Variants in IKBKG observed in about 807,000 individuals in gnomAD.
IKBKG encodes inhibitor of nuclear factor kappa B kinase regulatory subunit gamma.
In IKBKG, 2 loss-of-function variants were observed where a neutral mutation model predicts 13.7. The ratio of observed to expected loss-of-function variants is 0.15; its 90% confidence interval spans 0.06 to 0.46. IKBKG has a LOEUF of 0.46. IKBKG is among the 20% of genes least tolerant of loss of function. The pLI, the probability that IKBKG is intolerant of heterozygous loss-of-function variation, is 0.98. For synonymous variants in IKBKG, 22 were observed against 64.4 expected (o/e 0.34, Z 3.15); for missense variants, 53 against 150.3 (o/e 0.35, Z 3.39).
chrX:154,542,354 G>A (rs1420498266), exon 2 of IKBKG: 1 of 1,203,846 alleles, frequency 8.3e-7, no homozygotes, highest in Non-Finnish European at 1.1e-6. Flanking sequence ...CTCACTCCCT[G>A]TGAAGCTCTC....
chrX:154,558,818 G>A (rs2071083253), intron 4 of IKBKG, among the ~76,000 whole-genome samples, 168 bp downstream of exon 4: 2 of 62,995 alleles, frequency 3.2e-5, no homozygotes, highest in African/African-American at 1.2e-4. Context: ...CCGGGACCTG[G>A]GTCCCAGCCG....
intron 1 of IKBKG, among the ~76,000 whole-genome samples, chrX:154,549,228 G>A (rs1385510273): frequency 9.2e-6 from 1 of 109,099 alleles, no homozygotes; most frequent in Non-Finnish European, 1.9e-5. Context: ...TCATCCGCCC[G>A]CCTCGGCCTC....
In IKBKG at chrX:154,552,163, G is replaced by T. The variant is rs782813189; in HGVS notation, c.161G>T (p.Cys54Phe). The T allele has an allele frequency of 1.7e-6, 2 of 1,191,901 alleles. No individual in the cohort carries two copies. The highest frequency in any genetic ancestry group is 2.2e-5 in the Admixed American group (1 of 44,477). ...GGCGCTCCTGAGACCCTCCAGCGCT[G>T]CCTGGAGGAGAATCAAGAGCTCCGA... ...EQGAPETLQR[C>F]LEENQELRDA... Residue 54 changes from cysteine (C) to phenylalanine (F), a missense_variant, in exon 2 of 10, where the codon TGC becomes TTC. Cys to Phe is a radical substitution (Grantham distance 205). Around this residue, in one of 3 missense-constraint regions of IKBKG, gnomAD observed 47 missense variants for 50.0 expected, o/e 0.94. Coordinates refer to ENST00000594239, the MANE Select transcript of IKBKG (RefSeq NM_001099857.5).
At chrX:154,545,980 G>C (rs1224001604), upstream of IKBKG, 18 of 1,197,167 alleles carry the variant, frequency 1.5e-5, no homozygotes, top group African/African-American at 3.2e-4. Flanking sequence ...TGGAAAAGCT[G>C]AGGCATGGAG....
exon 2 of IKBKG, chrX:154,542,313 C>G: frequency 1.7e-6 from 2 of 1,181,181 alleles, no homozygotes; most frequent in Non-Finnish European, 2.3e-6. Flanking sequence ...GAAGTGAGGA[C>G]CCCGCAGACT....
chrX:154,544,432 T>C (rs1174302737), upstream of IKBKG, among the ~76,000 whole-genome samples: 1 of 111,985 alleles, frequency 8.9e-6, no homozygotes, highest in African/African-American at 3.3e-5. Context: ...AGTGCTGGGA[T>C]TACAGATGTG....
At chrX:154,549,300 C>T (rs1043043508) in intron 1 of IKBKG, among the ~76,000 whole-genome samples, 2 of 109,764 alleles carry the variant, frequency 1.8e-5, no homozygotes, top group Non-Finnish European at 3.8e-5. Context: ...GAGACCCAGT[C>T]TCACTCTGTC....
upstream of IKBKG, among the ~76,000 whole-genome samples, chrX:154,544,156 C>T (rs781791065): frequency 2.8e-5 from 3 of 107,963 alleles, no homozygotes; most frequent in African/African-American, 1.0e-4. Flanking sequence ...CCACTGCGCC[C>T]GGCCTTTTTG....
At chrX:154,546,086 C>T, upstream of IKBKG, 1 of 1,211,672 alleles carries the variant, frequency 8.3e-7, no homozygotes, top group Non-Finnish European at 1.1e-6. Context: ...TGGAAGGCAT[C>T]GCCCTGGAAA....
At chrX:154,548,107 C>T in intron 1 of IKBKG, 1 of 753,777 alleles carries the variant, frequency 1.3e-6, no homozygotes, top group Non-Finnish European at 1.6e-6. Flanking sequence ...ATTTCATATG[C>T]CTGTTTGCTC....
chrX:154,555,397 C>T (rs1353430247), intron 2 of IKBKG, among the ~76,000 whole-genome samples: 1 of 111,908 alleles, frequency 8.9e-6, no homozygotes, highest in Non-Finnish European at 1.9e-5. Context: ...CAAATGAATT[C>T]GAGTCACTTA....
At chrX:154,541,576 C>T (rs2070506267) in intron 1 of IKBKG, among the ~76,000 whole-genome samples, 1 of 111,906 alleles carries the variant, frequency 8.9e-6, no homozygotes, top group Non-Finnish European at 1.9e-5. Context: ...CATCGGGAAA[C>T]CTGACAGCTT....
chrX:154,558,749 C>T (rs2071081174), intron 4 of IKBKG, 99 bp downstream of exon 4: 1 of 246,913 alleles, frequency 4.1e-6, no homozygotes, highest in African/African-American at 4.4e-5. Flanking sequence ...TGAGGATAGA[C>T]CGGGGCAGGC....
chrX:154,552,294 C>T, intron 2 of IKBKG, 105 bp downstream of exon 2: 1 of 645,027 alleles, frequency 1.6e-6, no homozygotes, highest in East Asian at 3.7e-5. Context: ...GCTGCCCTCC[C>T]TCTTGGTTTC....
Position 154,552,139 on chromosome X carries a change from G to T in IKBKG, c.137G>T (p.Gly46Val). ...PAMLHLPSEQGAPETLQRCLE... is the reference protein window; with the variant it reads ...PAMLHLPSEQVAPETLQRCLE... ...ATGCTGCACCTGCCTTCAGAACAGG[G>T]CGCTCCTGAGACCCTCCAGCGCTGC... Residue 46 changes from glycine to valine, a missense_variant, in exon 2 of 10, where the codon GGC becomes GTC. This residue lies in a region of IKBKG where 47 missense variants were observed against 50.0 expected (regional missense o/e 0.94). Coordinates refer to ENST00000594239, the MANE Select transcript of IKBKG (RefSeq NM_001099857.5). 8.4e-6 allele frequency: 10 copies of T among 1,193,636 alleles called. No individual in the cohort carries two copies. The highest frequency in any genetic ancestry group is 9.1e-6 in the Non-Finnish European group (8 of 883,486).
upstream of IKBKG, chrX:154,546,831 G>A (rs1557233551): frequency 2.6e-6 from 3 of 1,147,671 alleles, no homozygotes; most frequent in Non-Finnish European, 3.5e-6. Context: ...CAGCCCCGAA[G>A]TGTACGACCG....
At chrX:154,546,826 C>T (rs1557233542), upstream of IKBKG, 1 of 1,160,030 alleles carries the variant, frequency 8.6e-7, no homozygotes, top group Non-Finnish European at 1.1e-6. Context: ...GCTCGCAGCC[C>T]CGAAGTGTAC....
chrX:154,562,775 A>G, intron 6 of IKBKG, 35 bp from the exon 7 acceptor site: 4 of 284,781 alleles, frequency 1.4e-5, no homozygotes, highest in African/African-American at 8.9e-5. Context: ...CCCTGGGCTG[A>G]CGAGGCTCCG....
chrX:154,546,772 C>T (rs1557233470), upstream of IKBKG: 13 of 1,146,584 alleles, frequency 1.1e-5, no homozygotes, highest in South Asian at 3.8e-5. Flanking sequence ...CTGCGCGGCG[C>T]CCGCCCGGCC....
Sources: gnomAD v4.1 joint callset for allele counts (sites outside exome capture counted in the v4.1 genomes callset) on GRCh38, gnomAD v4.1.1 for gene constraint, gnomAD v4.1.1 regional missense constraint, MANE v1.5 for transcripts, NCBI Gene and HGNC (gene_info 2026-07-23, HGNC 2026-07-21) for gene names.